MSI2: variants seen among roughly 807,000 people sequenced by gnomAD.
MSI2 encodes musashi RNA binding protein 2.
In MSI2, 17 loss-of-function variants were observed where a neutral mutation model predicts 45.6. The observed-to-expected ratio is 0.37, with a 90% CI of 0.26 to 0.56. The LOEUF (loss-of-function observed/expected upper bound fraction) is 0.56. Ranked by LOEUF, MSI2 falls within the 20% of genes least tolerant of loss-of-function variation. The pLI is 0.77. For synonymous variants in MSI2, 156 were observed against 158.2 expected, an observed-to-expected ratio of 0.99 and a Z score of 0.11; for missense variants, 293 against 444.2, an observed-to-expected ratio of 0.66 and a Z score of 3.06.
In MSI2 at chr17:57,607,697, A is replaced by T. The variant is rs190925763; in HGVS notation, c.538-8273A>T. On this transcript the variant is annotated intron_variant, in intron 8 of 13. Coordinates refer to ENST00000284073, the MANE Select transcript of MSI2 (RefSeq NM_138962.4). ...ATACCTGAGACTGGGTAATTTATTT[A>T]AAAAAGAAGTTTAGTTGGCTTACAG... Among the ~76,000 whole-genome samples, 170 of 152,344 alleles carry T rather than the reference A, an allele frequency of 1.1e-3. 1 individual carries two copies. The South Asian group carries it at 0.016, about 14-fold the overall frequency.
At chr17:57,402,158 C>T (rs917227491) in intron 6 of MSI2, among the ~76,000 whole-genome samples, 19 of 152,130 alleles carry the variant, frequency 1.2e-4, no homozygotes, top group Admixed American at 5.2e-4. Flanking sequence ...GTGTTTAATT[C>T]GGCCTCTTTC....
Position 57,502,636 on chromosome 17 carries a change from T to TATATATATATATAG in MSI2, c.406-27039_406-27038insTATATATATATAGA. Among the ~76,000 whole-genome samples, 231 of 96,768 alleles carry TATATATATATATAG rather than the reference T, an allele frequency of 2.4e-3. 5 individuals are homozygous for TATATATATATATAG. The highest frequency in any genetic ancestry group is 3.8e-3 in the East Asian group (11 of 2,902). The allele number at this position is 96,768 out of a possible 152,430, so 63.5% of individuals were successfully genotyped here. On this transcript the variant is annotated intron_variant, in intron 6 of 13. Coordinates refer to ENST00000284073, the MANE Select transcript of MSI2 (RefSeq NM_138962.4). ...ATATATATATATATATATATATATA[T>TATATATATATATAG]AGTCATCATTCTGTCATGCAGGAAG...
chr17:57,366,717 C>T (rs771636855), intron 5 of MSI2, among the ~76,000 whole-genome samples: 1 of 152,340 alleles, frequency 6.6e-6, no homozygotes, highest in Non-Finnish European at 1.5e-5. Context: ...TTATTTCTAA[C>T]GAGTAGCTGT....
At chr17:57,667,423 G>A (rs1912448811) in intron 11 of MSI2, among the ~76,000 whole-genome samples, 1 of 152,160 alleles carries the variant, frequency 6.6e-6, no homozygotes, top group African/African-American at 2.4e-5. Flanking sequence ...AGAGGGATCA[G>A]GAACACCATC....
At chr17:57,362,135 C>T (rs142331703) in intron 5 of MSI2, among the ~76,000 whole-genome samples, 6 of 152,260 alleles carry the variant, frequency 3.9e-5, no homozygotes, top group East Asian at 3.9e-4. Context: ...TGGAACTGCA[C>T]GGAACCCAGT....
chr17:57,630,748 G>C (rs1471894302), intron 10 of MSI2: 1 of 152,326 alleles, frequency 6.6e-6, no homozygotes, highest in Non-Finnish European at 1.5e-5. Context: ...CAAGAGCGCA[G>C]GGAGTAGCTG....
At chr17:57,333,941 C>A (rs946027886) in intron 5 of MSI2, among the ~76,000 whole-genome samples, 1 of 152,142 alleles carries the variant, frequency 6.6e-6, no homozygotes, top group Non-Finnish European at 1.5e-5. Flanking sequence ...GAGGGCTTTA[C>A]CCCAGTTTGT....
At chr17:57,542,202 G>A (rs1200016623) in intron 7 of MSI2, among the ~76,000 whole-genome samples, 1 of 152,210 alleles carries the variant, frequency 6.6e-6, no homozygotes, top group African/African-American at 2.4e-5. Flanking sequence ...GTGACCCAAG[G>A]AGTCCGTCGG....
intron 5 of MSI2, among the ~76,000 whole-genome samples, chr17:57,323,635 A>G (rs1724921299): frequency 6.6e-6 from 1 of 152,214 alleles, no homozygotes. Context: ...TCCGTGGAGG[A>G]GCAGTTGCCT....
chr17:57,675,057 C>T lies in MSI2; in HGVS notation c.876C>T (p.Asp292=). 6.2e-7 allele frequency: 1 copy of T among 1,614,128 alleles called. No individual in the cohort carries two copies. Among genetic ancestry groups the T allele is most frequent in the South Asian group, 1.1e-5 (1 of 91,084 alleles). ...VADLYGPASQ[D]SGVGNYISAA... ...ATCTCTACGGCCCTGCCAGCCAGGA[C>T]TCCGGAGTGGGGAATTACATAAGTG... The change falls in exon 12 of 14, where the codon GAC becomes GAT. Residue 292 remains aspartate, a synonymous_variant. Transcript: ENST00000284073.
At chr17:57,256,275 GC>G (rs1440603076), upstream of MSI2, among the ~76,000 whole-genome samples, 1 of 151,822 alleles carries the variant, frequency 6.6e-6, no homozygotes, top group African/African-American at 2.4e-5. Context: ...CGGCCCGGAG[GC>G]GGGGTCCCCT....
In MSI2 at chr17:57,512,968, C is replaced by CTTTTTTTTTTTTTT. The variant is rs34727727; in HGVS notation, c.406-16704_406-16691dup. On this transcript the variant is annotated intron_variant, in intron 6 of 13. Coordinates refer to ENST00000284073, the MANE Select transcript of MSI2 (RefSeq NM_138962.4). ...ATATTGCACATGAATTAGCTTCTTCCTTTTTTTTTTTTTTTTTCCTTCTGA... is the reference window on the plus strand; with the variant it reads ...ATATTGCACATGAATTAGCTTCTTCCTTTTTTTTTTTTTTTTTTTTTTTTTTTTTTTCCTTCTGA... Among the ~76,000 whole-genome samples, 23 of 114,712 alleles carry CTTTTTTTTTTTTTT rather than the reference C, an allele frequency of 2.0e-4. 2 individuals are homozygous for CTTTTTTTTTTTTTT. The highest frequency in any genetic ancestry group is 2.1e-4 in the African/African-American group (6 of 28,780). The allele number at this position is 114,712 out of a possible 152,430, so 75.3% of individuals were successfully genotyped here.
intron 5 of MSI2, among the ~76,000 whole-genome samples, chr17:57,273,302 T>A (rs896941154): frequency 1.3e-5 from 2 of 152,118 alleles, no homozygotes; most frequent in Admixed American, 1.3e-4. Context: ...GGTTCAGAAC[T>A]TGTTTTCCTG....
chr17:57,507,253 G>GTGTA (rs1456689609), intron 6 of MSI2, among the ~76,000 whole-genome samples: 1 of 150,020 alleles, frequency 6.7e-6, no homozygotes, highest in East Asian at 2.0e-4. Flanking sequence ...GTGTGTGTGT[G>GTGTA]TGTGTGTGTG....
intron 6 of MSI2, among the ~76,000 whole-genome samples, chr17:57,472,581 G>A (rs1459628075): frequency 6.6e-6 from 1 of 152,252 alleles, no homozygotes; most frequent in Admixed American, 6.5e-5. Context: ...TCCTAGCTCT[G>A]CTGCCAACTG....
intron 6 of MSI2, among the ~76,000 whole-genome samples, chr17:57,477,576 C>T (rs1322096285): frequency 3.9e-5 from 6 of 152,150 alleles, no homozygotes; most frequent in Non-Finnish European, 5.9e-5. Context: ...ACCCCCTAGC[C>T]CTGCAAAGAC....
chr17:57,469,950 A>T (rs2085402278), intron 6 of MSI2, among the ~76,000 whole-genome samples: 1 of 152,188 alleles, frequency 6.6e-6, no homozygotes, highest in Non-Finnish European at 1.5e-5. Context: ...TGGACCCCTG[A>T]TGATGCCATG....
chr17:57,338,875 T>A (rs1470946618), intron 5 of MSI2, among the ~76,000 whole-genome samples: 1 of 152,168 alleles, frequency 6.6e-6, no homozygotes, highest in East Asian at 1.9e-4. Flanking sequence ...TTCCCCTTTG[T>A]CTTCCTTGTC....
chr17:57,551,464 C>T (rs999383541), intron 7 of MSI2, among the ~76,000 whole-genome samples: 1 of 152,088 alleles, frequency 6.6e-6, no homozygotes, highest in Non-Finnish European at 1.5e-5. Flanking sequence ...CACAGACCGC[C>T]GTCTGGGATG....
Sources: allele counts gnomAD v4.1 joint callset (sites outside exome capture counted in the v4.1 genomes callset), GRCh38; gene constraint gnomAD v4.1.1; transcripts MANE v1.5; gene names NCBI Gene and HGNC (gene_info 2026-07-23, HGNC 2026-07-21).